The following TBX5 variants were observed in gnomAD, a reference collection of about 807,000 sequenced individuals.
TBX5 encodes T-box transcription factor 5, also known as T-box transcription factor TBX5.
A neutral mutation model predicts 51.1 loss-of-function variants in TBX5; 8 were observed. The observed-to-expected ratio is 0.16, with a 90% CI of 0.09 to 0.28. The LOEUF is 0.28. Among genes scored for constraint, TBX5 ranks in the 10% least tolerant of loss-of-function variants. The pLI, the probability that TBX5 is intolerant of heterozygous loss-of-function variation, is 1.00. For missense variants in TBX5, 589 were observed against 671.7 expected (o/e 0.88, Z 1.36); for synonymous variants, 302 against 266.4 (o/e 1.13, Z -1.30).
At position 114,366,176 on chromosome 12, in the gene TBX5, G is replaced by A. The variant is rs1414081520; in HGVS notation, c.971C>T (p.Thr324Ile). The stretch of plus-strand genomic sequence containing the variant: ...GTGATCACACTCACCTTTCCTCTTG[G>A]TACAATGGTAAATTTGGCTATGCTC... ...PQEHSQIYHC[T>I]KRKEEECSTT... The change falls in exon 8 of 9, where the codon ACC becomes ATC. Residue 324 changes from threonine to isoleucine, a missense_variant. Thr to Ile is a moderately conservative substitution (Grantham distance 89, BLOSUM62 -1). Around this residue, in one of 7 missense-constraint regions of TBX5, gnomAD observed 348 missense variants for 360.4 expected, o/e 0.97. Coordinates refer to ENST00000405440, the MANE Select transcript of TBX5 (RefSeq NM_181486.4). The A allele has an allele frequency of 1.2e-6, 2 of 1,614,114 alleles. No homozygotes were observed. The highest frequency in any genetic ancestry group is 1.7e-5 in the Admixed American group (1 of 60,026).
At chr12:114,403,707 G>A (rs1481443575) in intron 2 of TBX5, 45 bp downstream of exon 2, 7 of 1,604,632 alleles carry the variant, frequency 4.4e-6, no homozygotes, top group Non-Finnish European at 5.9e-6. Context: ...GCCAGACTCT[G>A]ACTTTGATCT....
intron 8 of TBX5, among the ~76,000 whole-genome samples, chr12:114,364,337 T>C (rs1191224461): frequency 6.6e-6 from 1 of 152,178 alleles, no homozygotes; most frequent in East Asian, 1.9e-4. Context: ...AAAATTAGTG[T>C]CTTTTAGAGC....
intron 8 of TBX5, among the ~76,000 whole-genome samples, chr12:114,361,956 C>A (rs996296850): frequency 6.6e-6 from 1 of 152,134 alleles, no homozygotes; most frequent in African/African-American, 2.4e-5. Flanking sequence ...ATACCCCATT[C>A]ACCCTGAGCC....
chr12:114,366,537 A>C (rs973268253), intron 7 of TBX5, 146 bp from the exon 8 acceptor site: 7 of 779,180 alleles, frequency 9.0e-6, no homozygotes, highest in African/African-American at 3.5e-5. Context: ...TGATCCAGTT[A>C]TATTCATGTC....
At chr12:114,400,376 A>C (rs911938371) in intron 3 of TBX5, among the ~76,000 whole-genome samples, 2 of 152,216 alleles carry the variant, frequency 1.3e-5, no homozygotes, top group Admixed American at 1.3e-4. Context: ...CTGAACTAAG[A>C]TTCAGTCGTT....
chr12:114,402,998 TTCACCCCATG>T (rs1198839085), intron 2 of TBX5, among the ~76,000 whole-genome samples: 2 of 152,208 alleles, frequency 1.3e-5, no homozygotes, highest in Admixed American at 6.5e-5. Flanking sequence ...GTCACCCCGT[TTCACCCCATG>T]TGACACCTTA....
chr12:114,397,800 G>A (rs771141754), intron 5 of TBX5, among the ~76,000 whole-genome samples: 23 of 152,320 alleles, frequency 1.5e-4, no homozygotes, highest in Non-Finnish European at 1.9e-4. Flanking sequence ...ATCTCCCCGG[G>A]AGTATCAAGC....
At chr12:114,358,777 TTTTG>T (rs34419380) in intron 8 of TBX5, among the ~76,000 whole-genome samples, 96 of 150,698 alleles carry the variant, frequency 6.4e-4, no homozygotes, top group East Asian at 1.2e-3. Context: ...GCGGGGTTTT[TTTTG>T]TTTGTTTGTT....
At chr12:114,394,447 G>T (rs1394502337) in intron 6 of TBX5, among the ~76,000 whole-genome samples, 1 of 152,228 alleles carries the variant, frequency 6.6e-6, no homozygotes, top group Non-Finnish European at 1.5e-5. Context: ...CATAAGGTCA[G>T]TGGGATGCCT....
chr12:114,382,977 CAA>C (rs34867756), intron 7 of TBX5, among the ~76,000 whole-genome samples: 4,526 of 92,890 alleles, frequency 0.049, 79 homozygotes, highest in African/African-American at 0.073. Flanking sequence ...ACCCTGTCTC[CAA>C]AAAAAAAAAA....
At chr12:114,399,466 G>C in intron 4 of TBX5, 47 bp downstream of exon 4, 1 of 1,612,642 alleles carries the variant, frequency 6.2e-7, no homozygotes, top group Admixed American at 1.7e-5. Context: ...TTGGGAGAAG[G>C]TTCCACTTTT....
At chr12:114,374,279 G>C (rs1426347464) in intron 7 of TBX5, among the ~76,000 whole-genome samples, 2 of 152,178 alleles carry the variant, frequency 1.3e-5, no homozygotes, top group East Asian at 1.9e-4. Context: ...TGGGTGATTG[G>C]GGGACACGGC....
rs201413549 is a variant in TBX5 at position 114,378,631 on chromosome 12, G to GTTTGT, written c.755+6840_755+6844dup. ...TTGAACCTGTTTTCTGTTTTGTTTT[G>GTTTGT]TTTGTTTTGTTTTGTTTTTTTCGAG... is the stretch of plus-strand genomic sequence containing the variant. On this transcript the variant is annotated intron_variant, in intron 7 of 8. Coordinates refer to ENST00000405440, the MANE Select transcript of TBX5 (RefSeq NM_181486.4). Among the ~76,000 whole-genome samples, 2,576 of 152,044 alleles carry GTTTGT rather than the reference G, an allele frequency of 0.017. 314 individuals are homozygous for GTTTGT. The East Asian group carries it at 0.35, about 21-fold the overall frequency.
chr12:114,355,228 G>C lies in TBX5; in HGVS notation c.*304C>G, dbSNP rs994554522. ...GCCCAAAAGAAGGAATGGGGGAAGA[G>C]ATCTGGGGAGTAGCGTGAATGTGGC... is the stretch of plus-strand genomic sequence containing the variant. On this transcript the variant is annotated 3_prime_UTR_variant, in exon 9 of 9. Coordinates refer to ENST00000405440, the MANE Select transcript of TBX5 (RefSeq NM_181486.4). The C allele has an allele frequency of 2.2e-6, 1 of 449,254 alleles. No homozygotes were observed. The highest frequency in any genetic ancestry group is 3.1e-5 in the Admixed American group (1 of 32,352). The allele number at this position is 449,254 out of a possible 1,614,324, so 27.8% of individuals were successfully genotyped here.
At chr12:114,396,345 C>T (rs1248884979) in intron 5 of TBX5, among the ~76,000 whole-genome samples, 1 of 152,066 alleles carries the variant, frequency 6.6e-6, no homozygotes, top group Non-Finnish European at 1.5e-5. Flanking sequence ...GGGCCATCGG[C>T]CCGGCTTAGC....
intron 8 of TBX5, among the ~76,000 whole-genome samples, chr12:114,365,869 C>G (rs928385078): frequency 6.7e-6 from 1 of 150,056 alleles, no homozygotes; most frequent in Non-Finnish European, 1.5e-5. Context: ...AAAAATAAAT[C>G]TAGTTCTTTC....
intron 7 of TBX5, among the ~76,000 whole-genome samples, chr12:114,371,361 TC>T (rs1869891475): frequency 6.6e-6 from 1 of 152,086 alleles, no homozygotes; most frequent in Non-Finnish European, 1.5e-5. Flanking sequence ...GCTCTGCCCT[TC>T]TCTCATGTTC....
At chr12:114,408,184 CGCCTATCAGT>C (rs1872347763), upstream of TBX5, 4 of 985,266 alleles carry the variant, frequency 4.1e-6, no homozygotes, top group South Asian at 1.4e-4. Context: ...TCTCCGTCTT[CGCCTATCAGT>C]GCCGGGTCTG....
intron 8 of TBX5, among the ~76,000 whole-genome samples, chr12:114,359,376 CT>C (rs1260478224): frequency 1.3e-5 from 2 of 152,018 alleles, no homozygotes; most frequent in African/African-American, 4.8e-5. Context: ...TCTTTTTTCT[CT>C]TCTTTGAGAG....
Sources: gnomAD v4.1 joint callset for allele counts (sites outside exome capture counted in the v4.1 genomes callset) on GRCh38, gnomAD v4.1.1 for gene constraint, gnomAD v4.1.1 regional missense constraint, MANE v1.5 for transcripts, NCBI Gene and HGNC (gene_info 2026-07-23, HGNC 2026-07-21) for gene names.